The following STPG2 variants were observed in gnomAD, a reference collection of about 807,000 sequenced individuals.
The protein encoded by STPG2 is sperm tail PG-rich repeat containing 2.
Under a neutral mutation model 54.2 loss-of-function variants are expected in STPG2, and 56 were observed. The observed-to-expected ratio is 1.03, with a 90% CI of 0.83 to 1.29. The LOEUF (loss-of-function observed/expected upper bound fraction) is 1.29, where lower values mean the gene tolerates loss of function less well. Among genes scored for constraint, STPG2 ranks in the 50% most tolerant of loss-of-function variants. STPG2 has a pLI of 0.00. For missense variants in STPG2, 596 were observed against 544.9 expected (o/e 1.09, Z -0.93); for synonymous variants, 200 against 181.8 (o/e 1.10, Z -0.81).
chr4:98,143,087 C>T lies in STPG2; in HGVS notation c.64G>A (p.Gly22Ser). ...AAAGGTACCTGGTAGGATCCAGGACCCACATGGGCCTCAGTGCTGCCACCT... is the reference window on the plus strand; with the variant it reads ...AAAGGTACCTGGTAGGATCCAGGACTCACATGGGCCTCAGTGCTGCCACCT... ...AEGGSTEAHV[G>S]PGSYQVPFLK... Residue 22 changes from glycine (G) to serine (S), a missense_variant, in exon 1 of 11, where the codon GGT (glycine) becomes AGT (serine). Physicochemically the swap from Gly to Ser is moderately conservative, Grantham distance 56. Coordinates refer to ENST00000295268, the MANE Select transcript of STPG2 (RefSeq NM_174952.3). 1 of 1,613,938 alleles carries T rather than the reference C, an allele frequency of 6.2e-7. No homozygotes were observed. Among genetic ancestry groups the T allele is most frequent in the Non-Finnish European group, 8.5e-7 (1 of 1,179,918 alleles).
chr4:97,867,259 C>T (rs1448527263), intron 8 of STPG2, among the ~76,000 whole-genome samples: 1 of 151,738 alleles, frequency 6.6e-6, no homozygotes, highest in Non-Finnish European at 1.5e-5. Flanking sequence ...TGGTATTTTG[C>T]TGTCTCATTA....
chr4:98,002,751 T>C (rs1408198536), intron 5 of STPG2, among the ~76,000 whole-genome samples: 2 of 152,108 alleles, frequency 1.3e-5, no homozygotes, highest in Non-Finnish European at 2.9e-5. Context: ...ACACTGAAGA[T>C]GAAGGAAATT....
In STPG2 at chr4:97,627,811, T is replaced by C. The variant is rs545860214; in HGVS notation, c.1321-68694A>G. ...GTAGCTAAGAAGTACCATGATCTGC[T>C]GTCTGCAACATGGAAACCCAGGAAA... is the stretch of plus-strand genomic sequence containing the variant. On this transcript the variant is annotated intron_variant, in intron 10 of 10. Transcript: ENST00000295268. Among the ~76,000 whole-genome samples, 16 of 152,254 alleles carry C rather than the reference T, an allele frequency of 1.1e-4. No homozygotes were observed. In the East Asian group the frequency reaches 2.9e-3, roughly 28 times the overall value.
intron 9 of STPG2, among the ~76,000 whole-genome samples, chr4:97,791,373 A>G (rs1017851281): frequency 1.3e-5 from 2 of 152,204 alleles, no homozygotes; most frequent in Non-Finnish European, 2.9e-5. Context: ...TTATAGTGAA[A>G]TAAAATTGCT....
intron 5 of STPG2, among the ~76,000 whole-genome samples, chr4:98,010,635 A>G (rs1735716039): frequency 6.6e-6 from 1 of 152,196 alleles, no homozygotes; most frequent in Admixed American, 6.5e-5. Flanking sequence ...TTACATTTAA[A>G]GTAATCATTG....
At chr4:97,963,298 T>C (rs931213052) in intron 7 of STPG2, among the ~76,000 whole-genome samples, 2 of 152,202 alleles carry the variant, frequency 1.3e-5, no homozygotes, top group Admixed American at 6.6e-5. Flanking sequence ...ACATTCATGA[T>C]GGATTTAAAA....
chr4:97,877,947 G>A (rs937419127), intron 8 of STPG2, among the ~76,000 whole-genome samples: 2 of 152,036 alleles, frequency 1.3e-5, no homozygotes, highest in Admixed American at 1.3e-4. Context: ...TAAAATAGAG[G>A]TACAGGCATT....
At chr4:97,738,492 G>A (rs1194729843) in intron 9 of STPG2, among the ~76,000 whole-genome samples, 2 of 152,044 alleles carry the variant, frequency 1.3e-5, no homozygotes, top group Admixed American at 6.6e-5. Context: ...ACACACATAG[G>A]CTCAAAATAA....
At position 98,109,320 on chromosome 4, in the gene STPG2, G is replaced by A. The variant is rs761371175; in HGVS notation, c.388-15C>T. ...TTGGAAACATCCTAAAAAATAAAAA[G>A]TTTTAAAAAGTGAGGATGAAACATA... On this transcript the variant is annotated splice_polypyrimidine_tract_variant and intron_variant, in intron 3 of 10. Transcript: ENST00000295268. 2.6e-6 allele frequency: 4 copies of A among 1,554,658 alleles called. No homozygotes were observed. The highest frequency in any genetic ancestry group is 3.5e-6 in the Non-Finnish European group (4 of 1,136,714).
Position 97,473,583 on chromosome 4 carries a change from T to C in STPG2, c.462+239116A>G, listed in dbSNP as rs147037859. ...GAAACTTCATTAACAATTTTAATTT[T>C]GCCCCGGTCCTGTGCTCCTGTGATC... On this transcript the variant is annotated intron_variant, in intron 4 of 4. Transcript: ENST00000522676. Among the ~76,000 whole-genome samples the C allele has an allele frequency of 6.0e-3, 919 of 152,304 alleles. 5 individuals are homozygous for C. The highest frequency in any genetic ancestry group is 0.02 in the South Asian group (98 of 4,830).
At chr4:98,094,199 T>C (rs58367603) in intron 5 of STPG2, among the ~76,000 whole-genome samples, 60,121 of 151,686 alleles carry the variant, frequency 0.4, 12,142 homozygotes, top group Middle Eastern at 0.47. Flanking sequence ...TTGGATAGAG[T>C]ATTGAGCAGA....
At chr4:97,560,244 A>G (rs1422948294) in intron 10 of STPG2, among the ~76,000 whole-genome samples, 1 of 152,176 alleles carries the variant, frequency 6.6e-6, no homozygotes. Flanking sequence ...TTTCCTAACT[A>G]TGAAATAGTA....
chr4:97,495,722 A>AAAT (rs1250991567), intron 4 of STPG2, among the ~76,000 whole-genome samples: 21 of 151,126 alleles, frequency 1.4e-4, no homozygotes, highest in Admixed American at 4.6e-4. Context: ...AAAAAAAAAA[A>AAAT]AAAACACAGA....
At chr4:97,764,948 G>T (rs62318591) in intron 9 of STPG2, among the ~76,000 whole-genome samples, 8 of 151,964 alleles carry the variant, frequency 5.3e-5, no homozygotes, top group Non-Finnish European at 1.0e-4. Flanking sequence ...ACTATGCAGG[G>T]CCCCATCATA....
intron 4 of STPG2, among the ~76,000 whole-genome samples, chr4:97,536,401 A>C (rs1170623401): frequency 6.6e-6 from 1 of 152,192 alleles, no homozygotes; most frequent in Non-Finnish European, 1.5e-5. Context: ...ATGGATTAAA[A>C]GTGACAAATT....
At chr4:97,995,680 G>A (rs558341552) in intron 5 of STPG2, among the ~76,000 whole-genome samples, 2 of 152,162 alleles carry the variant, frequency 1.3e-5, no homozygotes, top group South Asian at 4.2e-4. Flanking sequence ...AGCTAAAGTG[G>A]GAGGAAGCTG....
At chr4:97,955,728 A>G (rs1578729287) in intron 7 of STPG2, among the ~76,000 whole-genome samples, 2 of 152,222 alleles carry the variant, frequency 1.3e-5, no homozygotes, top group Admixed American at 1.3e-4. Flanking sequence ...ACAACACTTC[A>G]GACACATCAA....
intron 4 of STPG2, among the ~76,000 whole-genome samples, chr4:97,501,092 C>A (rs926071493): frequency 2.6e-5 from 4 of 151,944 alleles, no homozygotes; most frequent in Admixed American, 2.6e-4. Flanking sequence ...TCTTTGGGAC[C>A]TGATCCAGTT....
intron 4 of STPG2, among the ~76,000 whole-genome samples, chr4:97,532,229 T>C (rs1560646988): frequency 6.6e-6 from 1 of 152,108 alleles, no homozygotes; most frequent in Non-Finnish European, 1.5e-5. Context: ...TATTTAGTGA[T>C]TTTTTCATAG....
Sources: allele counts gnomAD v4.1 joint callset (sites outside exome capture counted in the v4.1 genomes callset), GRCh38; gene constraint gnomAD v4.1.1; transcripts MANE v1.5; gene names NCBI Gene and HGNC (gene_info 2026-07-23, HGNC 2026-07-21).